VRK2: variants seen among roughly 807,000 people sequenced by gnomAD.
VRK2 encodes serine/threonine-protein kinase VRK2.
In VRK2, 60 loss-of-function variants were observed where a neutral mutation model predicts 57.6. That is an observed-to-expected ratio of 1.04 (90% CI 0.85 to 1.29). The LOEUF (loss-of-function observed/expected upper bound fraction) is 1.29. Among genes scored for constraint, VRK2 ranks in the 50% most tolerant of loss-of-function variants. The pLI is 0.00. For synonymous variants in VRK2, 231 were observed against 199.2 expected, an observed-to-expected ratio of 1.16 and a Z score of -1.35; for missense variants, 705 against 588.1, an observed-to-expected ratio of 1.20 and a Z score of -2.06.
intron 1 of VRK2, among the ~76,000 whole-genome samples, chr2:57,972,026 G>A (rs1672112132): frequency 1.3e-5 from 2 of 151,714 alleles, no homozygotes; most frequent in Non-Finnish European, 2.9e-5. Flanking sequence ...TTGGCTCTGG[G>A]GACCTGTTGA....
chr2:58,035,355 C>A (rs971410745), intron 3 of VRK2, among the ~76,000 whole-genome samples: 1 of 151,964 alleles, frequency 6.6e-6, no homozygotes, highest in African/African-American at 2.4e-5. Flanking sequence ...AGTCTATGGT[C>A]TCCTTACTCT....
intron 1 of VRK2, among the ~76,000 whole-genome samples, chr2:57,964,879 CAAAAAAAAA>C (rs540446220): frequency 5.0e-4 from 24 of 47,868 alleles, no homozygotes; most frequent in African/African-American, 1.2e-3. Flanking sequence ...GAATCCATCT[CAAAAAAAAA>C]AAAAAAAAAA....
intron 1 of VRK2, among the ~76,000 whole-genome samples, chr2:57,933,504 G>C (rs2717022): frequency 0.68 from 101,726 of 150,402 alleles, 35,332 homozygotes; most frequent in African/African-American, 0.86. Context: ...GTAGAGACAG[G>C]GTTTCACCCT....
chr2:57,950,283 C>T (rs184071874), intron 1 of VRK2, among the ~76,000 whole-genome samples: 4 of 152,316 alleles, frequency 2.6e-5, no homozygotes, highest in African/African-American at 9.6e-5. Flanking sequence ...CAACTCCTGG[C>T]TTCAAAACTT....
At chr2:58,062,147 T>C (rs1310004917) in intron 2 of VRK2, among the ~76,000 whole-genome samples, 2 of 152,058 alleles carry the variant, frequency 1.3e-5, no homozygotes, top group African/African-American at 4.8e-5. Context: ...TGTTATTATA[T>C]CTGTTACGGT....
At chr2:58,122,994 G>A (rs1677750018) in intron 7 of VRK2, 107 bp from the exon 8 acceptor site, 2 of 1,382,670 alleles carry the variant, frequency 1.4e-6, no homozygotes, top group African/African-American at 1.5e-5. Flanking sequence ...TTAATAAAAT[G>A]TAGATCTGAG....
intron 2 of VRK2, among the ~76,000 whole-genome samples, chr2:58,059,232 C>T (rs562125671): frequency 5.3e-5 from 8 of 151,890 alleles, no homozygotes; most frequent in Admixed American, 2.0e-4. Flanking sequence ...GAAAAAATTG[C>T]GAATAGTCAT....
At chr2:58,034,578 C>T (rs978019420) in intron 3 of VRK2, among the ~76,000 whole-genome samples, 3 of 151,954 alleles carry the variant, frequency 2.0e-5, no homozygotes, top group African/African-American at 7.2e-5. Context: ...ATTACATTCT[C>T]CCTCTTCAGT....
intron 3 of VRK2, among the ~76,000 whole-genome samples, chr2:58,034,811 T>C (rs150817084): frequency 1.2e-3 from 190 of 152,094 alleles, no homozygotes; most frequent in Admixed American, 3.4e-3. Context: ...ACTTCACTTA[T>C]TCCTTCAAAA....
At chr2:57,971,926 C>T (rs981074926) in intron 1 of VRK2, among the ~76,000 whole-genome samples, 3 of 151,870 alleles carry the variant, frequency 2.0e-5, no homozygotes, top group Non-Finnish European at 4.4e-5. Flanking sequence ...TGTATTTAAA[C>T]ATATTTCATG....
At position 58,159,421 on chromosome 2, in the gene VRK2, A is replaced by C; in HGVS notation, c.1255A>C (p.Lys419Gln). Residue 419 changes from lysine (K) to glutamine (Q), a missense_variant, in exon 13 of 13, where the codon AAA becomes CAA. By Grantham distance (53) the Lys-to-Gln change is moderately conservative. Transcript: ENST00000340157. Reference sequence around the variant, plus strand: ...GAATGAAGTAAACAGTTTCCCACAAAAAATCAGCTATACACAATTCCCAAA... The same window carrying C: ...GAATGAAGTAAACAGTTTCCCACAACAAATCAGCTATACACAATTCCCAAA... ...PLNEVNSFPQ[K>Q]ISYTQFPNSF... 6.2e-7 allele frequency: 1 copy of C among 1,613,696 alleles called. No homozygotes were observed.
At chr2:58,114,019 G>C (rs1379047178) in intron 7 of VRK2, among the ~76,000 whole-genome samples, 2 of 152,172 alleles carry the variant, frequency 1.3e-5, no homozygotes, top group East Asian at 1.9e-4. Flanking sequence ...GAGTGGGAGA[G>C]ATTAAGCTGA....
chr2:58,075,345 C>T (rs1309135751), intron 2 of VRK2, among the ~76,000 whole-genome samples: 2 of 152,070 alleles, frequency 1.3e-5, no homozygotes, highest in African/African-American at 4.8e-5. Context: ...CTGCAATGAA[C>T]ATTCATGTGC....
intron 1 of VRK2, among the ~76,000 whole-genome samples, chr2:57,921,078 G>A (rs1670326816): frequency 6.6e-6 from 1 of 151,960 alleles, no homozygotes; most frequent in African/African-American, 2.4e-5. Flanking sequence ...GCAGGGACTA[G>A]GACTTGGTGT....
chr2:57,970,571 G>A (rs1672067207), intron 1 of VRK2, among the ~76,000 whole-genome samples: 1 of 151,772 alleles, frequency 6.6e-6, no homozygotes, highest in South Asian at 2.1e-4. Context: ...AGCAGTCAAT[G>A]ATAAAAGGAT....
At chr2:58,075,380 T>A (rs1669951492) in intron 2 of VRK2, among the ~76,000 whole-genome samples, 1 of 152,124 alleles carries the variant, frequency 6.6e-6, no homozygotes, top group Non-Finnish European at 1.5e-5. Flanking sequence ...TAAAGCAATT[T>A]ATATTCTTTT....
intron 2 of VRK2, among the ~76,000 whole-genome samples, chr2:58,062,131 C>T (rs1277489517): frequency 6.6e-6 from 1 of 151,968 alleles, no homozygotes; most frequent in Non-Finnish European, 1.5e-5. Flanking sequence ...ATATTTCAAA[C>T]TTTTTTGTTA....
At chr2:58,153,508 A>C (rs190524223) in intron 12 of VRK2, among the ~76,000 whole-genome samples, 65 of 152,160 alleles carry the variant, frequency 4.3e-4, no homozygotes, top group African/African-American at 1.4e-3. Context: ...ACCATAGTGG[A>C]TGACACTGGT....
chr2:57,968,244 CGAAA>C (rs1322137058), intron 1 of VRK2, among the ~76,000 whole-genome samples: 3 of 151,600 alleles, frequency 2.0e-5, no homozygotes, highest in Non-Finnish European at 2.9e-5. Flanking sequence ...ATGTAAATCA[CGAAA>C]GAAAGAAAAC....
Sources: gnomAD v4.1 joint callset for allele counts (sites outside exome capture counted in the v4.1 genomes callset) on GRCh38, gnomAD v4.1.1 for gene constraint, MANE v1.5 for transcripts, NCBI Gene and HGNC (gene_info 2026-07-23, HGNC 2026-07-21) for gene names.